The following MAPK11 variants were observed in gnomAD, a reference collection of about 807,000 sequenced individuals.
MAPK11 encodes mitogen-activated protein kinase 11.
Under a neutral mutation model 52.2 loss-of-function variants are expected in MAPK11, and 44 were observed. That is an observed-to-expected ratio of 0.84 (90% CI 0.66 to 1.08). The LOEUF is 1.08. Among genes scored for constraint, MAPK11 ranks in the 50% least tolerant of loss-of-function variants. The pLI is 0.00. For missense variants in MAPK11, 436 were observed against 494.7 expected (o/e 0.88, Z 1.13); for synonymous variants, 233 against 206.3 (o/e 1.13, Z -1.11).
intron 9 of MAPK11, 42 bp from the exon 10 acceptor site, chr22:50,265,702 T>G: frequency 7.9e-7 from 1 of 1,273,778 alleles, no homozygotes; most frequent in Non-Finnish European, 1.1e-6. Flanking sequence ...GCTCACTCTC[T>G]GCCTCCCTGG....
Position 50,266,231 on chromosome 22 carries a change from CTGA to C in MAPK11, c.754_756del (p.Ser252del), listed in dbSNP as rs1569147376. On this transcript the variant is annotated inframe_deletion, in exon 9 of 12. Transcript: ENST00000330651. ...GCTGGCGGGCACCAACTCACGTGTT[CTGA>C]GGAGATTTTTGCCAGAACCTCAGGG... is the stretch of plus-strand genomic sequence containing the variant. 11 of 1,591,474 alleles carry C rather than the reference CTGA, an allele frequency of 6.9e-6. No homozygotes were observed. The highest frequency in any genetic ancestry group is 8.6e-6 in the Non-Finnish European group (10 of 1,168,190).
rs79192411 is a variant in MAPK11, at chr22:50,266,615, T to C, written c.611-4A>G. The C allele has an allele frequency of 3.1e-5, 48 of 1,558,454 alleles. 1 individual carries two copies. In the East Asian group the frequency reaches 7.2e-4, roughly 23 times the overall value. On this transcript the variant is annotated splice_polypyrimidine_tract_variant and splice_region_variant and intron_variant, in intron 7 of 11. Coordinates refer to ENST00000330651, the MANE Select transcript of MAPK11 (RefSeq NM_002751.7). ...CAGCCCACGGACCAGATATCCACTG[T>C]GCGAGGGCGAGGGGACCTCCATCAG...
Position 50,267,262 on chromosome 22 carries a change from G to A in MAPK11, c.442C>T (p.His148Tyr). The A allele has an allele frequency of 6.2e-7, 1 of 1,605,362 alleles. No homozygotes were observed. ...LKYIHSAGII[H>Y]RDLKPSNVAV... ...CACCCTGCGGTCGCACCTACCCGGTGGATGATCCCGGCCGAGTGGATGTAC... is the reference window on the plus strand; with the variant it reads ...CACCCTGCGGTCGCACCTACCCGGTAGATGATCCCGGCCGAGTGGATGTAC... The change falls in exon 5 of 12, where the codon CAC (histidine) becomes TAC (tyrosine). Residue 148 changes from histidine (H) to tyrosine (Y), a missense_variant. His to Tyr is a moderately conservative substitution (Grantham distance 83). Coordinates refer to ENST00000330651, the MANE Select transcript of MAPK11 (RefSeq NM_002751.7).
intron 6 of MAPK11, 22 bp from the exon 7 acceptor site, chr22:50,267,070 C>T (rs201602924): frequency 4.3e-5 from 70 of 1,611,556 alleles, no homozygotes; most frequent in Non-Finnish European, 7.6e-6. Context: ...ACGTGGTGTT[C>T]TCAAGCTCCG....
chr22:50,269,965 C>A (rs1341864599), intron 1 of MAPK11, among the ~76,000 whole-genome samples: 1 of 152,064 alleles, frequency 6.6e-6, no homozygotes, highest in African/African-American at 2.4e-5. Flanking sequence ...GGCCGGAGGA[C>A]CCCCCTCCCT....
chr22:50,267,877 G>A lies in MAPK11; in HGVS notation c.189C>T (p.Ile63=), dbSNP rs1478812496. 1 of 1,590,338 alleles carries A rather than the reference G, an allele frequency of 6.3e-7. No individual in the cohort carries two copies. Among genetic ancestry groups the A allele is most frequent in the South Asian group, 1.1e-5 (1 of 87,794 alleles). ...KKLSRPFQSL[I]HARRTYRELR... Reference sequence around the variant, plus strand: ...GCTCCCGGTACGTTCTGCGCGCGTGGATCAGCGACTGGAAGGGGCGCGACA... The same window carrying A: ...GCTCCCGGTACGTTCTGCGCGCGTGAATCAGCGACTGGAAGGGGCGCGACA... The change falls in exon 2 of 12, where the codon ATC becomes ATT. Residue 63 remains isoleucine, a synonymous_variant. Transcript: ENST00000330651.
chr22:50,265,672 C>G lies in MAPK11; in HGVS notation c.763-12G>C. Reference sequence around the variant, plus strand: ...ATATATGTCCGGGCCTGGGGGCACACAAGAACACCTGGGGAGGCTGCTCAC... The same window carrying G: ...ATATATGTCCGGGCCTGGGGGCACAGAAGAACACCTGGGGAGGCTGCTCAC... On this transcript the variant is annotated splice_polypyrimidine_tract_variant and intron_variant, in intron 9 of 11. Transcript: ENST00000330651. 6.6e-7 allele frequency: 1 copy of G among 1,511,390 alleles called. No individual in the cohort carries two copies. Among genetic ancestry groups the G allele is most frequent in the South Asian group, 1.3e-5 (1 of 79,546 alleles). 93.6% of individuals were successfully genotyped at this position (1,511,390 alleles called of 1,614,324 possible).
chr22:50,270,076 G>T lies in MAPK11; in HGVS notation c.116+101C>A. 2.3e-6 allele frequency: 1 copy of T among 435,926 alleles called. No homozygotes were observed. The allele number at this position is 435,926 out of a possible 1,614,324, so 27.0% of individuals were successfully genotyped here. On this transcript the variant is annotated intron_variant, in intron 1 of 11. Transcript: ENST00000330651. This position sits in a 1 kb window ranked among gnomAD's most constrained non-coding sequence, Gnocchi z 6.3. ...TGGCGCCCGGGGGCGGAGGCAGGGC[G>T]AGGCCCCTCCCCACGCCGAGAACCT...
chr22:50,268,117 A>G (rs2076140), intron 1 of MAPK11, among the ~76,000 whole-genome samples, 168 bp from the exon 2 acceptor site: 2 of 152,140 alleles, frequency 1.3e-5, no homozygotes, highest in East Asian at 1.9e-4. Flanking sequence ...GGGCCTACCC[A>G]CTCCGCGCTT....
chr22:50,265,150 G>A (rs548776460), intron 11 of MAPK11, 123 bp from the exon 12 acceptor site: 3 of 1,177,976 alleles, frequency 2.5e-6, no homozygotes, highest in East Asian at 2.4e-5. Flanking sequence ...GCACAGTCTG[G>A]GAGCCAGAAC....
intron 2 of MAPK11, 50 bp downstream of exon 2, chr22:50,267,770 C>T: frequency 6.7e-7 from 1 of 1,483,046 alleles, no homozygotes; most frequent in Non-Finnish European, 9.0e-7. Context: ...GGCTGCGCCG[C>T]GGCCCCGCCC....
intron 2 of MAPK11, 95 bp from the exon 3 acceptor site, chr22:50,267,722 G>T (rs1389696189): frequency 7.1e-7 from 1 of 1,407,910 alleles, no homozygotes; most frequent in Non-Finnish European, 9.2e-7. Flanking sequence ...CGCGCCCCCT[G>T]TGTCCCCGCC....
At chr22:50,266,114 C>T in intron 9 of MAPK11, 112 bp downstream of exon 9, 1 of 879,670 alleles carries the variant, frequency 1.1e-6, no homozygotes, top group African/African-American at 1.7e-5. Flanking sequence ...CTCTATCCCA[C>T]CACATCCCAT....
At chr22:50,265,281 G>T in intron 11 of MAPK11, 40 bp downstream of exon 11, 1 of 1,602,616 alleles carries the variant, frequency 6.2e-7, no homozygotes, top group Non-Finnish European at 8.5e-7. Flanking sequence ...AATGGAGCCC[G>T]CAGGCCCCTG....
At chr22:50,267,798 C>T (rs945225423) in intron 2 of MAPK11, 22 bp downstream of exon 2, 2 of 1,521,392 alleles carry the variant, frequency 1.3e-6, no homozygotes, top group Non-Finnish European at 1.8e-6. Flanking sequence ...CGCCCTCCCC[C>T]CACGGCCCTC....
intron 2 of MAPK11, 61 bp from the exon 3 acceptor site, chr22:50,267,688 C>G: frequency 6.8e-7 from 1 of 1,471,396 alleles, no homozygotes. Context: ...CAGCTCCCCC[C>G]GGGCCACGCC....
rs370594691 is a variant in MAPK11, at chr22:50,266,926, C to G, written c.610+8G>C. 6.2e-7 allele frequency: 1 copy of G among 1,607,070 alleles called. No homozygotes were observed. Among genetic ancestry groups the G allele is most frequent in the Non-Finnish European group, 8.5e-7 (1 of 1,179,278 alleles). On this transcript the variant is annotated splice_region_variant and intron_variant, in intron 7 of 11. Transcript: ENST00000330651. ...GGCCTTCGTCCCCCCAAGGCCTTCC[C>G]CCTGCACCTGTTTGGTTGTAATGCA...
chr22:50,266,878 G>T (rs2065266502), intron 7 of MAPK11, 56 bp downstream of exon 7: 1 of 1,515,398 alleles, frequency 6.6e-7, no homozygotes, highest in Non-Finnish European at 9.1e-7. Flanking sequence ...TGCAGAGCCA[G>T]TCGAGGGCCA....
chr22:50,267,705 G>A, intron 2 of MAPK11, 78 bp from the exon 3 acceptor site: 1 of 1,443,854 alleles, frequency 6.9e-7, no homozygotes, highest in South Asian at 1.4e-5. Flanking sequence ...CGCCCCCAGT[G>A]CCAGGCCGCG....
Sources: gnomAD v4.1 joint callset for allele counts (sites outside exome capture counted in the v4.1 genomes callset) on GRCh38, gnomAD v4.1.1 for gene constraint, Gnocchi (gnomAD v3.1) non-coding constraint, MANE v1.5 for transcripts, NCBI Gene and HGNC (gene_info 2026-07-23, HGNC 2026-07-21) for gene names.